Variants in INPP5D observed in about 807,000 individuals in gnomAD.
INPP5D encodes the protein phosphatidylinositol 3,4,5-trisphosphate 5-phosphatase 1.
In INPP5D, 33 loss-of-function variants were observed where a neutral mutation model predicts 122.9. The observed-to-expected ratio is 0.27, with a 90% CI of 0.20 to 0.36. The LOEUF (loss-of-function observed/expected upper bound fraction) is 0.36. INPP5D is among the 10% of genes least tolerant of loss of function. The probability of loss-of-function intolerance (pLI) is 1.00; values close to 1 mark genes in which losing one functional copy is unlikely to be tolerated. For missense variants in INPP5D, 1,053 were observed against 1,412.7 expected (o/e 0.75, Z 4.08); for synonymous variants, 584 against 576.2 (o/e 1.01, Z -0.19).
chr2:233,201,506 C>T (rs1444939469), intron 25 of INPP5D, among the ~76,000 whole-genome samples: 2 of 152,208 alleles, frequency 1.3e-5, no homozygotes, highest in African/African-American at 2.4e-5. Context: ...CCCTGCAGCT[C>T]GCACACCTGC....
intron 5 of INPP5D, 184 bp downstream of exon 5, chr2:233,130,832 T>G: frequency 1.3e-6 from 1 of 754,776 alleles, no homozygotes; most frequent in East Asian, 2.7e-5. Context: ...TCATGGAATT[T>G]GAACAGTAGC....
At chr2:233,193,562 G>A (rs1448534256) in intron 22 of INPP5D, among the ~76,000 whole-genome samples, 1 of 152,202 alleles carries the variant, frequency 6.6e-6, no homozygotes, top group African/African-American at 2.4e-5. Flanking sequence ...ACAGCGATCA[G>A]ATGAGTGTTT....
intron 17 of INPP5D, among the ~76,000 whole-genome samples, chr2:233,174,932 T>C (rs1435852499): frequency 1.3e-5 from 2 of 151,860 alleles, no homozygotes; most frequent in Non-Finnish European, 1.5e-5. Context: ...CAAAAATAGG[T>C]ATAAGAATGT....
chr2:233,184,214 C>A (rs1032738803), intron 19 of INPP5D, among the ~76,000 whole-genome samples, 194 bp from the exon 20 acceptor site: 5 of 152,166 alleles, frequency 3.3e-5, no homozygotes, highest in African/African-American at 1.2e-4. Flanking sequence ...CCCTGGCCAG[C>A]TCACGATGCA....
At chr2:233,176,031 A>G (rs574785658) in intron 17 of INPP5D, among the ~76,000 whole-genome samples, 1 of 152,338 alleles carries the variant, frequency 6.6e-6, no homozygotes, top group East Asian at 1.9e-4. Context: ...AGAAAAGAGA[A>G]AAGTAATTGA....
In INPP5D at chr2:233,060,485, C is replaced by T. The variant is rs762326413; in HGVS notation, c.7C>T (p.Pro3Ser). The change falls in exon 1 of 27, where the codon CCC becomes TCC. Residue 3 changes from proline to serine, a missense_variant. Coordinates refer to ENST00000445964, the MANE Select transcript of INPP5D (RefSeq NM_001017915.3). ...GAGGAGGCCCACGCCCACCATGGTC[C>T]CCTGCTGGAACCATGGCAACATCAC... MV[P>S]CWNHGNITRS... 5.0e-6 allele frequency: 8 copies of T among 1,607,692 alleles called. No homozygotes were observed. In the African/African-American group the frequency reaches 9.4e-5, roughly 19 times the overall value.
In INPP5D at chr2:233,183,624, T is replaced by C. The variant is rs943830524; in HGVS notation, c.2162-784T>C. 5.3e-5 allele frequency among the ~76,000 whole-genome samples: 8 copies of C among 152,186 alleles called. No individual in the cohort carries two copies. The highest frequency in any genetic ancestry group is 1.9e-4 in the African/African-American group (8 of 41,452). On this transcript the variant is annotated intron_variant, in intron 19 of 26. Transcript: ENST00000445964. This position sits in a 1 kb window ranked among gnomAD's most constrained non-coding sequence, Gnocchi z 4.6. ...CTATTCCGGGGTAGGGCATCCTCCATGTCAGGCTGGGCTTCCCTCCACGGG... is the reference window on the plus strand; with the variant it reads ...CTATTCCGGGGTAGGGCATCCTCCACGTCAGGCTGGGCTTCCCTCCACGGG...
chr2:233,203,354 A>G (rs887932685), intron 25 of INPP5D, among the ~76,000 whole-genome samples: 11 of 152,152 alleles, frequency 7.2e-5, no homozygotes, highest in African/African-American at 2.7e-4. Flanking sequence ...TCATCTGATG[A>G]GGATGAGGGG....
chr2:233,094,908 T>G (rs935587444), intron 2 of INPP5D, among the ~76,000 whole-genome samples: 1 of 152,204 alleles, frequency 6.6e-6, no homozygotes, highest in East Asian at 1.9e-4. Flanking sequence ...CAGTGAGGAA[T>G]GTTCTCCCAC....
Position 233,189,210 on chromosome 2 carries a change from G to C in INPP5D, c.2359-640G>C, listed in dbSNP as rs1250538999. Among the ~76,000 whole-genome samples, 3 of 152,212 alleles carry C rather than the reference G, an allele frequency of 2.0e-5. No homozygotes were observed. Among genetic ancestry groups the C allele is most frequent in the Non-Finnish European group, 2.9e-5 (2 of 68,032 alleles). Reference sequence around the variant, plus strand: ...CCTCTGGGGGAGCTGGCACTCCCCAGCTCTGGAAACTTGCTCGCAGATGGA... The same window carrying C: ...CCTCTGGGGGAGCTGGCACTCCCCACCTCTGGAAACTTGCTCGCAGATGGA... On this transcript the variant is annotated intron_variant, in intron 21 of 26. Transcript: ENST00000445964. The surrounding 1 kb of genome is among the most constrained non-coding windows in gnomAD (Gnocchi z 5.6).
intron 17 of INPP5D, among the ~76,000 whole-genome samples, chr2:233,173,155 G>T (rs923074624): frequency 3.3e-5 from 5 of 150,682 alleles, no homozygotes; most frequent in Admixed American, 2.7e-4. Flanking sequence ...GTTGCAGTGA[G>T]CCGAGATCGC....
intron 1 of INPP5D, among the ~76,000 whole-genome samples, chr2:233,067,029 A>G (rs544434573): frequency 1.8e-4 from 27 of 152,092 alleles, no homozygotes; most frequent in African/African-American, 5.5e-4. Context: ...CTGCCCGCCT[A>G]GGCCTCCCAA....
chr2:233,092,097 G>T (rs1042337688), intron 2 of INPP5D, among the ~76,000 whole-genome samples: 1 of 152,222 alleles, frequency 6.6e-6, no homozygotes. Context: ...AGATGTAGGC[G>T]TTCAGGGCCA....
intron 3 of INPP5D, among the ~76,000 whole-genome samples, chr2:233,123,864 G>T (rs1693072691): frequency 6.6e-6 from 1 of 152,088 alleles, no homozygotes; most frequent in African/African-American, 2.4e-5. Flanking sequence ...ACTAACACAA[G>T]AACAGAAAAC....
chr2:233,186,645 A>G (rs1338336206), intron 21 of INPP5D, among the ~76,000 whole-genome samples: 1 of 146,334 alleles, frequency 6.8e-6, no homozygotes, highest in South Asian at 2.2e-4. Context: ...CTACCAAAAA[A>G]AAATTTTTTT....
chr2:233,197,160 T>A lies in INPP5D; in HGVS notation c.2694-935T>A, dbSNP rs768507382. 6.6e-6 allele frequency among the ~76,000 whole-genome samples: 1 copy of A among 151,998 alleles called. No individual in the cohort carries two copies. The highest frequency in any genetic ancestry group is 2.4e-5 in the African/African-American group (1 of 41,360). On this transcript the variant is annotated intron_variant, in intron 24 of 26. Transcript: ENST00000445964. The surrounding 1 kb of genome is among the most constrained non-coding windows in gnomAD (Gnocchi z 4.4). ...GGCAGAGCACATGGGAGCTGTGGAG[T>A]GTCCCTGACAGCCTATACGCTCAGA...
At chr2:233,157,970 G>A (rs1694099616) in intron 9 of INPP5D, among the ~76,000 whole-genome samples, 1 of 152,074 alleles carries the variant, frequency 6.6e-6, no homozygotes, top group Admixed American at 6.6e-5. Context: ...AGAAGGAAAG[G>A]AGGAAGAGTA....
At chr2:233,108,813 C>A (rs982576890) in intron 2 of INPP5D, among the ~76,000 whole-genome samples, 1 of 152,212 alleles carries the variant, frequency 6.6e-6, no homozygotes, top group African/African-American at 2.4e-5. Flanking sequence ...CTGACAGGCA[C>A]TTACCCCGGT....
At chr2:233,099,624 T>C (rs1275069919) in intron 2 of INPP5D, among the ~76,000 whole-genome samples, 3 of 152,212 alleles carry the variant, frequency 2.0e-5, no homozygotes, top group African/African-American at 7.2e-5. Flanking sequence ...TATGTTGGAT[T>C]TAGTGTTCTG....
Sources: allele counts gnomAD v4.1 joint callset (sites outside exome capture counted in the v4.1 genomes callset), GRCh38; gene constraint gnomAD v4.1.1; non-coding constraint Gnocchi (gnomAD v3.1); transcripts MANE v1.5; gene names NCBI Gene and HGNC (gene_info 2026-07-23, HGNC 2026-07-21).